The following SNCAIP variants were observed in gnomAD, a reference collection of about 807,000 sequenced individuals.
The protein encoded by SNCAIP is synphilin-1.
A neutral mutation model predicts 86.7 loss-of-function variants in SNCAIP; 43 were observed. The observed-to-expected ratio is 0.50, with a 90% CI of 0.39 to 0.64. SNCAIP has a LOEUF of 0.64. Ranked by LOEUF, SNCAIP falls within the 30% of genes least tolerant of loss-of-function variation. The pLI is 0.00. For synonymous variants in SNCAIP, 417 were observed against 427.2 expected, an observed-to-expected ratio of 0.98 and a Z score of 0.29; for missense variants, 981 against 1,103.1, an observed-to-expected ratio of 0.89 and a Z score of 1.57.
At position 122,382,557 on chromosome 5, in the gene SNCAIP, T is replaced by C. The variant is rs1043836196; in HGVS notation, c.-46-8532T>C. 1.1e-3 allele frequency among the ~76,000 whole-genome samples: 166 copies of C among 152,368 alleles called. 1 individual carries two copies. Among genetic ancestry groups the C allele is most frequent in the South Asian group, 6.2e-4 (3 of 4,828 alleles). On this transcript the variant is annotated intron_variant, in intron 1 of 10. Coordinates refer to ENST00000261368, the MANE Select transcript of SNCAIP (RefSeq NM_005460.4). ...TTCTCTCACCTCGTCAAAGTCATTC[T>C]CCATCCAGCTTTGTTCCGTTGCTGG...
rs541359277 is a variant in SNCAIP, at chr5:122,412,784, G to A, written c.130+8919G>A. On this transcript the variant is annotated intron_variant, in intron 3 of 10. Transcript: ENST00000261368. ...AAATTCTTGAATTCCCCTGCCTGAC[G>A]TGTTCCTCCTCAGACTCTCTCCTCA... 7.2e-5 allele frequency among the ~76,000 whole-genome samples: 11 copies of A among 152,284 alleles called. No homozygotes were observed. The East Asian group carries it at 7.7e-4, about 11-fold the overall frequency.
intron 5 of SNCAIP, among the ~76,000 whole-genome samples, chr5:122,427,282 A>G (rs1349092818): frequency 1.3e-5 from 2 of 152,130 alleles, no homozygotes; most frequent in African/African-American, 4.8e-5. Flanking sequence ...AACACCTTCT[A>G]TGATATCCAT....
chr5:122,379,595 AG>A (rs1259660896), intron 1 of SNCAIP, among the ~76,000 whole-genome samples: 1 of 150,462 alleles, frequency 6.6e-6, no homozygotes, highest in Non-Finnish European at 1.5e-5. Context: ...GAGTGGTGAG[AG>A]AGGGCATCCC....
intron 1 of SNCAIP, among the ~76,000 whole-genome samples, chr5:122,318,549 C>T (rs770861643): frequency 1.2e-4 from 19 of 152,116 alleles, no homozygotes; most frequent in Non-Finnish European, 2.5e-4. Flanking sequence ...TGTGTTGAAT[C>T]ATTCATCTTT....
At chr5:122,408,757 G>C (rs1773528532) in intron 3 of SNCAIP, among the ~76,000 whole-genome samples, 1 of 152,196 alleles carries the variant, frequency 6.6e-6, no homozygotes. Flanking sequence ...GCATGGAGAT[G>C]CACAGGTGCT....
chr5:122,451,310 T>A lies in SNCAIP; in HGVS notation c.2463T>A (p.Pro821=). Residue 821 remains proline, a synonymous_variant, in exon 10 of 11, where the codon CCT becomes CCA. Transcript: ENST00000261368. The part of the protein sequence containing the change: ...NLKLRVTFEE[P]VVQMEQPSLE... ...AACTGAGAGTTACCTTTGAGGAGCC[T>A]GTGGTGCAGATGGAGCAGCCTAGCC... 1.2e-6 allele frequency: 2 copies of A among 1,614,146 alleles called. No homozygotes were observed. Among genetic ancestry groups the A allele is most frequent in the Non-Finnish European group, 1.7e-6 (2 of 1,180,018 alleles).
At chr5:122,421,434 A>G (rs1776334852) in intron 3 of SNCAIP, among the ~76,000 whole-genome samples, 1 of 152,222 alleles carries the variant, frequency 6.6e-6, no homozygotes, top group South Asian at 2.1e-4. Context: ...AAGAAGAATG[A>G]CCAGTAGCTT....
At chr5:122,443,168 G>GAA (rs1781450273) in intron 7 of SNCAIP, among the ~76,000 whole-genome samples, 1 of 152,122 alleles carries the variant, frequency 6.6e-6, no homozygotes, top group African/African-American at 2.4e-5. Context: ...AAACCAAAAG[G>GAA]AAAACGAAGC....
intron 1 of SNCAIP, among the ~76,000 whole-genome samples, chr5:122,315,876 G>C (rs1312584427): frequency 4.6e-5 from 7 of 152,146 alleles, no homozygotes. Context: ...GGGTCGATCT[G>C]GGAGATCCCA....
rs138955354 is a variant in SNCAIP at position 122,338,402 on chromosome 5, T to C, written c.-47+26118T>C. 1.4e-3 allele frequency among the ~76,000 whole-genome samples: 215 copies of C among 152,354 alleles called. 1 individual carries two copies. The highest frequency in any genetic ancestry group is 4.6e-3 in the African/African-American group (191 of 41,586). ...ACAAGTCAGTCAGCTTAAAAATTCA[T>C]GCTCACAATTTGTCAGTATTAATCT... On this transcript the variant is annotated intron_variant, in intron 1 of 10. Coordinates refer to ENST00000261368, the MANE Select transcript of SNCAIP (RefSeq NM_005460.4).
chr5:122,383,726 A>G (rs1198240872), intron 1 of SNCAIP, among the ~76,000 whole-genome samples: 1 of 152,234 alleles, frequency 6.6e-6, no homozygotes, highest in African/African-American at 2.4e-5. Context: ...ATTTTAATGT[A>G]TAAATTAAAG....
At chr5:122,380,718 C>T (rs1766557242) in intron 1 of SNCAIP, among the ~76,000 whole-genome samples, 1 of 150,566 alleles carries the variant, frequency 6.6e-6, no homozygotes, top group Non-Finnish European at 1.5e-5. Context: ...TTGAATGCGT[C>T]CCAGAGATTC....
At chr5:122,418,911 A>G (rs1775833566) in intron 3 of SNCAIP, among the ~76,000 whole-genome samples, 1 of 152,154 alleles carries the variant, frequency 6.6e-6, no homozygotes, top group East Asian at 1.9e-4. Flanking sequence ...GAAGCCAGGA[A>G]AACCTTGCAG....
chr5:122,355,882 G>A (rs1760899105), intron 1 of SNCAIP, among the ~76,000 whole-genome samples: 1 of 152,122 alleles, frequency 6.6e-6, no homozygotes, highest in Admixed American at 6.6e-5. Flanking sequence ...GAAATACGTT[G>A]TCAACTCCGA....
chr5:122,409,275 A>G (rs1302680270), intron 3 of SNCAIP, among the ~76,000 whole-genome samples: 1 of 152,198 alleles, frequency 6.6e-6, no homozygotes, highest in Non-Finnish European at 1.5e-5. Context: ...AAATCAAAAC[A>G]TATTCAGTTT....
rs1006408509 is a variant in SNCAIP at position 122,450,971 on chromosome 5, A to G, written c.2124A>G (p.Val708=). Reference sequence around the variant, plus strand: ...GGCCGCAGCCCATTGTAGAAAGCGTAGAGAGTATGGACAGCGCAGAAAGCC... The same window carrying G: ...GGCCGCAGCCCATTGTAGAAAGCGTGGAGAGTATGGACAGCGCAGAAAGCC... The part of the protein sequence containing the change: ...RPRPQPIVES[V]ESMDSAESLH... Residue 708 remains valine (V), a synonymous_variant, in exon 10 of 11, where the codon GTA becomes GTG. Coordinates refer to ENST00000261368, the MANE Select transcript of SNCAIP (RefSeq NM_005460.4). The G allele has an allele frequency of 1.2e-6, 2 of 1,614,060 alleles. No homozygotes were observed. Among genetic ancestry groups the G allele is most frequent in the African/African-American group, 1.3e-5 (1 of 74,936 alleles).
intron 1 of SNCAIP, among the ~76,000 whole-genome samples, chr5:122,343,645 C>T (rs1758028295): frequency 1.3e-5 from 2 of 152,198 alleles, no homozygotes; most frequent in African/African-American, 2.4e-5. Flanking sequence ...ATACCTCAAT[C>T]GCTATGGCAG....
chr5:122,338,300 G>A (rs918599519), intron 1 of SNCAIP, among the ~76,000 whole-genome samples: 1 of 152,112 alleles, frequency 6.6e-6, no homozygotes, highest in African/African-American at 2.4e-5. Flanking sequence ...GCAGATAGAG[G>A]GATGTAGATA....
At chr5:122,430,733 G>A (rs968522073) in intron 5 of SNCAIP, among the ~76,000 whole-genome samples, 4 of 92,904 alleles carry the variant, frequency 4.3e-5, no homozygotes, top group African/African-American at 1.2e-4. Context: ...TAAAAATTAT[G>A]AGAAATTTTT....
Sources: allele counts gnomAD v4.1 joint callset (sites outside exome capture counted in the v4.1 genomes callset), GRCh38; gene constraint gnomAD v4.1.1; transcripts MANE v1.5; gene names NCBI Gene and HGNC (gene_info 2026-07-23, HGNC 2026-07-21).